CHRM3: variants seen among roughly 807,000 people sequenced by gnomAD.
CHRM3 encodes the protein muscarinic acetylcholine receptor M3.
CHRM3 carries 11 observed loss-of-function variants against 41.8 expected under a neutral mutation model. The observed-to-expected ratio is 0.26, with a 90% CI of 0.17 to 0.44. The LOEUF is 0.44. Among genes scored for constraint, CHRM3 ranks in the 20% least tolerant of loss-of-function variants. The probability of loss-of-function intolerance (pLI) is 1.00; values close to 1 mark genes in which losing one functional copy is unlikely to be tolerated. For synonymous variants in CHRM3, 297 were observed against 301.4 expected, an observed-to-expected ratio of 0.99 and a Z score of 0.15; for missense variants, 571 against 745.4, an observed-to-expected ratio of 0.77 and a Z score of 2.72.
chr1:239,679,842 G>A (rs78308958), intron 5 of CHRM3, among the ~76,000 whole-genome samples: 5,272 of 151,970 alleles, frequency 0.035, 133 homozygotes, highest in Admixed American at 0.059. Flanking sequence ...TCTGTAAATG[G>A]TCAGAAATTC....
rs573469943 is a variant in CHRM3, at chr1:239,595,399, G to A, written c.-312-36825G>A. Among the ~76,000 whole-genome samples the A allele has an allele frequency of 6.6e-5, 10 of 152,242 alleles. No homozygotes were observed. In the South Asian group the frequency reaches 2.1e-3, roughly 32 times the overall value. ...GTATTATTTTGAGTAACTGAAAGAA[G>A]AGTGTGTCTGCAAAATATTTTCCAT... On this transcript the variant is annotated intron_variant, in intron 3 of 6. Coordinates refer to ENST00000676153, the MANE Select transcript of CHRM3 (RefSeq NM_001375978.1).
At chr1:239,793,803 A>ATTTTTTTTTTGTTTTTTTTTT (rs1669532553) in intron 5 of CHRM3, among the ~76,000 whole-genome samples, 1 of 69,496 alleles carries the variant, frequency 1.4e-5, no homozygotes, top group African/African-American at 6.2e-5. Flanking sequence ...TGAAATGTGT[A>ATTTTTTTTTTGTTTTTTTTTT]TTTTTTTTTT....
intron 1 of CHRM3, among the ~76,000 whole-genome samples, chr1:239,452,329 A>G (rs1025213464): frequency 1.3e-5 from 2 of 152,228 alleles, no homozygotes; most frequent in Non-Finnish European, 2.9e-5. Context: ...TTACCCAACC[A>G]TGAATATCTA....
chr1:239,731,206 TTC>T (rs925669077), intron 5 of CHRM3, among the ~76,000 whole-genome samples: 1 of 151,840 alleles, frequency 6.6e-6, no homozygotes, highest in African/African-American at 2.4e-5. Flanking sequence ...GAATGTGCAC[TTC>T]TGTTAGGTAA....
In CHRM3 at chr1:239,909,417, A is replaced by AAAAT; in HGVS notation, c.*196_*197insTAAA. 1.3e-5 allele frequency: 6 copies of AAAAT among 453,164 alleles called. No individual in the cohort carries two copies. The highest frequency in any genetic ancestry group is 4.5e-5 in the Admixed American group (1 of 21,990). 28.1% of individuals were successfully genotyped at this position (453,164 alleles called of 1,614,324 possible). ...AGAAAAAGTCAATACCAATTCAGCA[A>AAAAT]AAAGAAAAAAAAAACATACTACTGA... On this transcript the variant is annotated 3_prime_UTR_variant, in exon 7 of 7. Coordinates refer to ENST00000676153, the MANE Select transcript of CHRM3 (RefSeq NM_001375978.1).
At chr1:239,879,307 G>A (rs1336181019) in intron 6 of CHRM3, among the ~76,000 whole-genome samples, 1 of 152,120 alleles carries the variant, frequency 6.6e-6, no homozygotes, top group African/African-American at 2.4e-5. Flanking sequence ...GTGCATTTCT[G>A]TGAGGCTCCC....
intron 1 of CHRM3, among the ~76,000 whole-genome samples, chr1:239,389,704 T>C (rs1201233728): frequency 2.0e-5 from 3 of 152,220 alleles, no homozygotes; most frequent in Non-Finnish European, 4.4e-5. Flanking sequence ...TATTTGTAAA[T>C]TATAAAGTAA....
chr1:239,900,986 A>G (rs1265411087), intron 6 of CHRM3, among the ~76,000 whole-genome samples: 1 of 152,148 alleles, frequency 6.6e-6, no homozygotes, highest in Non-Finnish European at 1.5e-5. Flanking sequence ...CAGGGTCTCA[A>G]CACTGAAATC....
At chr1:239,843,877 G>GTA (rs80323409) in intron 6 of CHRM3, among the ~76,000 whole-genome samples, 2,852 of 151,290 alleles carry the variant, frequency 0.019, 34 homozygotes, top group African/African-American at 0.038. Flanking sequence ...ATGTGTGTGT[G>GTA]TATATATATA....
intron 2 of CHRM3, among the ~76,000 whole-genome samples, chr1:239,537,713 C>G (rs974135483): frequency 6.6e-6 from 1 of 152,184 alleles, no homozygotes; most frequent in African/African-American, 2.4e-5. Flanking sequence ...CTTATGGTCA[C>G]TTAGTTCCCA....
chr1:239,528,938 A>T (rs114065606), intron 2 of CHRM3, among the ~76,000 whole-genome samples: 2,157 of 152,328 alleles, frequency 0.014, 21 homozygotes, highest in Non-Finnish European at 0.024. Flanking sequence ...GAGACAGTCT[A>T]AATAAAATAT....
intron 6 of CHRM3, among the ~76,000 whole-genome samples, chr1:239,850,824 CTG>C (rs1195723411): frequency 1.3e-5 from 2 of 152,122 alleles, no homozygotes; most frequent in African/African-American, 2.4e-5. Flanking sequence ...TCCGCCATGA[CTG>C]TAAGTTTCCT....
chr1:239,814,449 C>T (rs1671402530), intron 5 of CHRM3, among the ~76,000 whole-genome samples: 1 of 152,174 alleles, frequency 6.6e-6, no homozygotes, highest in South Asian at 2.1e-4. Context: ...ACATGCATTT[C>T]AGAGATGTCC....
intron 1 of CHRM3, among the ~76,000 whole-genome samples, chr1:239,466,353 A>AT (rs560693169): frequency 6.6e-6 from 1 of 151,940 alleles, no homozygotes; most frequent in East Asian, 1.9e-4. Context: ...CCTTAGTAAC[A>AT]TTTTTTTCTC....
intron 5 of CHRM3, among the ~76,000 whole-genome samples, chr1:239,824,484 C>G (rs1482274800): frequency 3.9e-5 from 6 of 152,290 alleles, no homozygotes; most frequent in Admixed American, 3.9e-4. Flanking sequence ...ATGATAAAAA[C>G]CTCTTATCTA....
chr1:239,721,071 TA>T (rs1178800937), intron 5 of CHRM3, among the ~76,000 whole-genome samples: 1 of 151,842 alleles, frequency 6.6e-6, no homozygotes, highest in Non-Finnish European at 1.5e-5. Flanking sequence ...AGTGATCCAA[TA>T]AAAGGAGTGC....
intron 1 of CHRM3, among the ~76,000 whole-genome samples, chr1:239,460,318 C>T (rs1665262068): frequency 6.6e-6 from 1 of 151,880 alleles, no homozygotes; most frequent in Non-Finnish European, 1.5e-5. Flanking sequence ...TTTTTTTCCC[C>T]CATCATAATT....
chr1:239,577,880 C>G (rs1181341131), intron 3 of CHRM3, among the ~76,000 whole-genome samples: 1 of 152,090 alleles, frequency 6.6e-6, no homozygotes, highest in Non-Finnish European at 1.5e-5. Flanking sequence ...CCATGGCAAG[C>G]ATACGGATCC....
chr1:239,445,401 G>T (rs1226268752), intron 1 of CHRM3, among the ~76,000 whole-genome samples: 5 of 152,146 alleles, frequency 3.3e-5, no homozygotes, highest in Non-Finnish European at 7.3e-5. Context: ...CAGGACTCAG[G>T]CATCTGGGCT....
Sources: allele counts gnomAD v4.1 joint callset (sites outside exome capture counted in the v4.1 genomes callset), GRCh38; gene constraint gnomAD v4.1.1; transcripts MANE v1.5; gene names NCBI Gene and HGNC (gene_info 2026-07-23, HGNC 2026-07-21).